Variants in SUSD4 observed in about 807,000 individuals in gnomAD.
SUSD4 encodes the protein sushi domain-containing protein 4.
SUSD4 carries 41 observed loss-of-function variants against 50.5 expected under a neutral mutation model. That is an observed-to-expected ratio of 0.81 (90% CI 0.63 to 1.05). The LOEUF is 1.05. Among genes scored for constraint, SUSD4 ranks in the 50% least tolerant of loss-of-function variants. The pLI is 0.00. For synonymous variants in SUSD4, 257 were observed against 257.3 expected (o/e 1.00, Z 0.01); for missense variants, 580 against 634.7 (o/e 0.91, Z 0.93).
At chr1:223,353,835 A>C (rs1247538323) in intron 2 of SUSD4, among the ~76,000 whole-genome samples, 1 of 151,986 alleles carries the variant, frequency 6.6e-6, no homozygotes, top group Non-Finnish European at 1.5e-5. Flanking sequence ...GAAGGGAGAC[A>C]CCCAAAGCCA....
At chr1:223,248,354 C>T (rs891626738) in intron 5 of SUSD4, among the ~76,000 whole-genome samples, 1 of 152,174 alleles carries the variant, frequency 6.6e-6, no homozygotes, top group Non-Finnish European at 1.5e-5. Flanking sequence ...CCATATTGTA[C>T]AGAACCACCC....
chr1:223,364,550 G>A (rs1315266700), upstream of SUSD4, among the ~76,000 whole-genome samples: 1 of 150,258 alleles, frequency 6.7e-6, no homozygotes, highest in South Asian at 2.1e-4. This position sits in a 1 kb window ranked among gnomAD's most constrained non-coding sequence, Gnocchi z 4.5. Context: ...GCCGGCGGCC[G>A]GTCTTGCACA....
intron 3 of SUSD4, among the ~76,000 whole-genome samples, chr1:223,291,837 A>G (rs1203598352): frequency 6.6e-6 from 1 of 152,224 alleles, no homozygotes; most frequent in Non-Finnish European, 1.5e-5. Context: ...GTAAAAACAA[A>G]AAAAAGTATA....
chr1:223,249,854 A>G (rs1014830060), intron 5 of SUSD4, among the ~76,000 whole-genome samples: 2 of 152,236 alleles, frequency 1.3e-5, no homozygotes, highest in Admixed American at 1.3e-4. Flanking sequence ...ACACTGGCTT[A>G]GAAGACATGG....
At chr1:223,328,682 G>T (rs1226137161) in intron 2 of SUSD4, among the ~76,000 whole-genome samples, 1 of 152,168 alleles carries the variant, frequency 6.6e-6, no homozygotes, top group Non-Finnish European at 1.5e-5. Context: ...AGGAGTGTCT[G>T]CAAAGCTTCC....
chr1:223,355,649 G>GATA (rs1668621746), intron 2 of SUSD4, among the ~76,000 whole-genome samples: 1 of 152,132 alleles, frequency 6.6e-6, no homozygotes, highest in Admixed American at 6.6e-5. Flanking sequence ...GAGAAAAAAA[G>GATA]GAATATAATG....
intron 3 of SUSD4, among the ~76,000 whole-genome samples, chr1:223,290,645 G>A (rs1017864993): frequency 4.6e-5 from 7 of 152,038 alleles, no homozygotes; most frequent in Non-Finnish European, 7.4e-5. Context: ...CACATCTGGG[G>A]CTGAGTGTTA....
intron 2 of SUSD4, among the ~76,000 whole-genome samples, chr1:223,351,607 C>G (rs1668370354): frequency 6.6e-6 from 1 of 152,046 alleles, no homozygotes; most frequent in South Asian, 2.1e-4. Context: ...CGCCCAGATG[C>G]AGGAACAGCT....
At chr1:223,241,338 G>C (rs1360065292) in intron 5 of SUSD4, among the ~76,000 whole-genome samples, 2 of 152,158 alleles carry the variant, frequency 1.3e-5, no homozygotes, top group Non-Finnish European at 2.9e-5. Flanking sequence ...CCCATGACTG[G>C]GTGCCCCTAG....
rs578015112 is a variant in SUSD4, at chr1:223,356,588, T to C, written c.148+6690A>G. ...ACCGTGCCTGGCCAGATTTTGTTTT[T>C]TGATTACCTTTTGACATATACTAAC... On this transcript the variant is annotated intron_variant, in intron 2 of 8. Transcript: ENST00000366878. Among the ~76,000 whole-genome samples, 7 of 152,282 alleles carry C rather than the reference T, an allele frequency of 4.6e-5. No homozygotes were observed. The South Asian group carries it at 1.2e-3, about 27-fold the overall frequency.
chr1:223,297,460 G>A (rs1664901840), intron 2 of SUSD4, among the ~76,000 whole-genome samples: 1 of 152,190 alleles, frequency 6.6e-6, no homozygotes, highest in South Asian at 2.1e-4. Flanking sequence ...GTGGGGTTAA[G>A]TTGTCCCCAC....
At chr1:223,311,307 A>T (rs1665858985) in intron 2 of SUSD4, among the ~76,000 whole-genome samples, 1 of 152,244 alleles carries the variant, frequency 6.6e-6, no homozygotes, top group South Asian at 2.1e-4. Flanking sequence ...TGGGTTGACG[A>T]AATACCACCA....
chr1:223,329,336 G>A (rs1014491355), intron 2 of SUSD4, among the ~76,000 whole-genome samples: 1 of 152,126 alleles, frequency 6.6e-6, no homozygotes, highest in Non-Finnish European at 1.5e-5. Context: ...GCTGTGAGTT[G>A]TCTGCTCTGA....
At chr1:223,309,187 A>G (rs999603008) in intron 2 of SUSD4, among the ~76,000 whole-genome samples, 2 of 152,224 alleles carry the variant, frequency 1.3e-5, no homozygotes, top group Non-Finnish European at 2.9e-5. Context: ...AAGTAAAATT[A>G]CAGAGGTAGC....
At chr1:223,271,686 G>C (rs1357276341) in intron 3 of SUSD4, among the ~76,000 whole-genome samples, 20 of 152,164 alleles carry the variant, frequency 1.3e-4, no homozygotes, top group Admixed American at 1.3e-3. Context: ...GAGCCTTTAT[G>C]ATTTCTTTAC....
rs1659160272 is a variant in SUSD4 at position 223,221,959 on chromosome 1, C to G, written c.*233G>C. On this transcript the variant is annotated 3_prime_UTR_variant, in exon 9 of 9. Transcript: ENST00000366878. Reference sequence around the variant, plus strand: ...CATCCAAGACCACGCGAGGGCTTCCCTGCTGCCCCGGTTCCCCATGGGTCT... The same window carrying G: ...CATCCAAGACCACGCGAGGGCTTCCGTGCTGCCCCGGTTCCCCATGGGTCT... 2 of 498,830 alleles carry G rather than the reference C, an allele frequency of 4.0e-6. No individual in the cohort carries two copies. The highest frequency in any genetic ancestry group is 7.1e-6 in the Non-Finnish European group (2 of 283,588). The allele number at this position is 498,830 out of a possible 1,614,324, so 30.9% of individuals were successfully genotyped here. A position where few individuals can be genotyped will look rare whatever the true frequency, so the allele number is the denominator to read the frequency against.
chr1:223,319,358 T>C (rs1371578100), intron 2 of SUSD4, among the ~76,000 whole-genome samples: 1 of 146,122 alleles, frequency 6.8e-6, no homozygotes, highest in Non-Finnish European at 1.5e-5. Context: ...ACCATCAGAG[T>C]GAACAGGCAA....
rs77034747 is a variant in SUSD4 at position 223,330,197 on chromosome 1, G to A, written c.148+33081C>T. Among the ~76,000 whole-genome samples, 1,517 of 152,236 alleles carry A rather than the reference G, an allele frequency of 1.0e-2. 16 individuals are homozygous for A. Among genetic ancestry groups the A allele is most frequent in the African/African-American group, 0.034 (1,417 of 41,534 alleles). ...TCCTAAGCACGTTCTCAGCTGGGGA[G>A]GTTTTGCAATTTCTCTACTGCCACC... On this transcript the variant is annotated intron_variant, in intron 2 of 8. Coordinates refer to ENST00000366878, the MANE Select transcript of SUSD4 (RefSeq NM_017982.4).
chr1:223,345,637 G>A lies in SUSD4; in HGVS notation c.148+17641C>T, dbSNP rs529312146. Among the ~76,000 whole-genome samples, 122 of 152,306 alleles carry A rather than the reference G, an allele frequency of 8.0e-4. 1 individual carries two copies. The highest frequency in any genetic ancestry group is 2.7e-3 in the African/African-American group (114 of 41,568). ...GTTCCTACATCACATTTATAACGCC[G>A]ACGTCCGGCTTTCTATCACTTATTC... On this transcript the variant is annotated intron_variant, in intron 2 of 8. Coordinates refer to ENST00000366878, the MANE Select transcript of SUSD4 (RefSeq NM_017982.4).
Sources: allele counts gnomAD v4.1 joint callset (sites outside exome capture counted in the v4.1 genomes callset), GRCh38; gene constraint gnomAD v4.1.1; non-coding constraint Gnocchi (gnomAD v3.1); transcripts MANE v1.5; gene names NCBI Gene and HGNC (gene_info 2026-07-23, HGNC 2026-07-21).